SGCZ: variants seen among roughly 807,000 people sequenced by gnomAD.
The protein encoded by SGCZ is sarcoglycan zeta, also known as zeta-sarcoglycan.
SGCZ carries 40 observed loss-of-function variants against 41.3 expected under a neutral mutation model. The observed-to-expected ratio is 0.97, with a 90% CI of 0.75 to 1.26. The LOEUF (loss-of-function observed/expected upper bound fraction) is 1.26, where lower values mean the gene tolerates loss of function less well. Ranked by LOEUF, SGCZ falls within the 50% of genes most tolerant of loss-of-function variation. The pLI is 0.00. For synonymous variants in SGCZ, 206 were observed against 137.5 expected (o/e 1.50, Z -3.49); for missense variants, 552 against 369.8 (o/e 1.49, Z -4.04).
chr8:15,020,448 G>T (rs1343232043), intron 1 of SGCZ, among the ~76,000 whole-genome samples: 3 of 152,186 alleles, frequency 2.0e-5, no homozygotes, highest in African/African-American at 7.2e-5. Context: ...GAAGGCTGGG[G>T]ACATGGGTGC....
intron 3 of SGCZ, among the ~76,000 whole-genome samples, chr8:14,286,983 C>T (rs1020126913): frequency 2.0e-5 from 3 of 151,802 alleles, no homozygotes; most frequent in Admixed American, 2.0e-4. Context: ...TAGTTTTTTT[C>T]CCCTACTTGT....
chr8:14,108,375 C>T lies in SGCZ; in HGVS notation c.548-140G>A. 18 of 677,636 alleles carry T rather than the reference C, an allele frequency of 2.7e-5. No homozygotes were observed. The South Asian group carries it at 3.5e-4, about 13-fold the overall frequency. 42.0% of individuals were successfully genotyped at this position (677,636 alleles called of 1,614,324 possible). A position where few individuals can be genotyped will look rare whatever the true frequency, so the allele number is the denominator to read the frequency against. On this transcript the variant is annotated intron_variant, in intron 5 of 7. Coordinates refer to ENST00000382080, the MANE Select transcript of SGCZ (RefSeq NM_139167.4). ...TATGATGTATTAGTCCGTTTTCACACTGCTGATAAAGACATATCCGAGACT... is the reference window on the plus strand; with the variant it reads ...TATGATGTATTAGTCCGTTTTCACATTGCTGATAAAGACATATCCGAGACT...
In SGCZ at chr8:14,591,997, T is replaced by C. The variant is rs371193670; in HGVS notation, c.40-37071A>G. 1.1e-3 allele frequency among the ~76,000 whole-genome samples: 168 copies of C among 152,254 alleles called. 1 individual carries two copies. Among genetic ancestry groups the C allele is most frequent in the Middle Eastern group, 0.01 (3 of 294 alleles). On this transcript the variant is annotated intron_variant, in intron 1 of 7. Transcript: ENST00000382080. ...CAATAGTAAACAGTTATTGGAACAA[T>C]TGTCTACAAAGGAGCAATAAAAGCT... is the stretch of plus-strand genomic sequence containing the variant.
intron 1 of SGCZ, among the ~76,000 whole-genome samples, chr8:15,101,499 G>C (rs567858014): frequency 6.6e-6 from 1 of 152,272 alleles, no homozygotes; most frequent in South Asian, 2.1e-4. Flanking sequence ...CTCCATAACA[G>C]ATGTCACTAG....
chr8:15,218,405 T>G (rs904519098), intron 1 of SGCZ, among the ~76,000 whole-genome samples: 1 of 152,222 alleles, frequency 6.6e-6, no homozygotes, highest in African/African-American at 2.4e-5. Context: ...CACATCCCAA[T>G]GCATATTTTT....
intron 1 of SGCZ, among the ~76,000 whole-genome samples, chr8:14,937,409 G>C (rs943063977): frequency 6.6e-6 from 1 of 152,000 alleles, no homozygotes; most frequent in Non-Finnish European, 1.5e-5. Flanking sequence ...ACAGATCCAT[G>C]TTGTTTTTAA....
chr8:14,793,376 C>A (rs1211225874), intron 1 of SGCZ, among the ~76,000 whole-genome samples: 1 of 152,124 alleles, frequency 6.6e-6, no homozygotes, highest in Non-Finnish European at 1.5e-5. Context: ...AGCTACTGCA[C>A]TAAGATGGCA....
intron 3 of SGCZ, among the ~76,000 whole-genome samples, chr8:14,303,504 A>C (rs17231005): frequency 0.2 from 30,173 of 152,088 alleles, 3,171 homozygotes; most frequent in East Asian, 0.28. Context: ...GGATAAACTC[A>C]AACTACTTGC....
At chr8:14,621,849 T>C (rs776482686) in intron 1 of SGCZ, among the ~76,000 whole-genome samples, 6 of 152,104 alleles carry the variant, frequency 3.9e-5, no homozygotes, top group Non-Finnish European at 8.8e-5. Context: ...AGCCAAATCA[T>C]ATAGACTTCT....
At chr8:15,013,482 A>C (rs111473605) in intron 1 of SGCZ, among the ~76,000 whole-genome samples, 3 of 152,166 alleles carry the variant, frequency 2.0e-5, no homozygotes, top group Non-Finnish European at 4.4e-5. Flanking sequence ...GAAATCACTT[A>C]AGTAATGCCT....
At chr8:14,312,834 A>AT (rs1404289937) in intron 3 of SGCZ, among the ~76,000 whole-genome samples, 1 of 152,216 alleles carries the variant, frequency 6.6e-6, no homozygotes, top group African/African-American at 2.4e-5. Context: ...GAGTCAAAAT[A>AT]CCAATTTAAA....
At chr8:14,851,902 G>A (rs892408310) in intron 1 of SGCZ, among the ~76,000 whole-genome samples, 67 of 152,068 alleles carry the variant, frequency 4.4e-4, no homozygotes, top group African/African-American at 1.5e-3. Flanking sequence ...TTTTATTAAA[G>A]AAGAGTGATG....
chr8:14,227,895 T>C (rs1390686216), intron 4 of SGCZ, among the ~76,000 whole-genome samples: 1 of 152,058 alleles, frequency 6.6e-6, no homozygotes, highest in Non-Finnish European at 1.5e-5. Flanking sequence ...AACGTAACTG[T>C]AGTTAACAGA....
chr8:14,618,184 G>A (rs1806167772), intron 1 of SGCZ, among the ~76,000 whole-genome samples: 1 of 152,056 alleles, frequency 6.6e-6, no homozygotes, highest in African/African-American at 2.4e-5. Context: ...CTTTGGTGAA[G>A]CTTATATTTT....
chr8:15,145,385 G>A (rs1799010155), intron 1 of SGCZ, among the ~76,000 whole-genome samples: 1 of 152,178 alleles, frequency 6.6e-6, no homozygotes, highest in African/African-American at 2.4e-5. Context: ...AGTGAGGAAG[G>A]AGTGGGCTTT....
At chr8:14,310,039 G>GA (rs911971566) in intron 3 of SGCZ, among the ~76,000 whole-genome samples, 6 of 151,356 alleles carry the variant, frequency 4.0e-5, no homozygotes, top group South Asian at 2.1e-4. Context: ...TACTTTACAG[G>GA]AAAAAAAAAT....
chr8:14,408,276 CTGTT>C (rs1296228175), intron 2 of SGCZ, among the ~76,000 whole-genome samples: 6 of 152,266 alleles, frequency 3.9e-5, no homozygotes, highest in Middle Eastern at 3.4e-3. Flanking sequence ...CCTGTCCAGA[CTGTT>C]TGTTTAATCC....
At chr8:14,464,763 ATTC>A (rs1801002480) in intron 2 of SGCZ, among the ~76,000 whole-genome samples, 1 of 151,488 alleles carries the variant, frequency 6.6e-6, no homozygotes, top group Admixed American at 6.6e-5. Context: ...ATTTTGGTGT[ATTC>A]TTTAAGTTTT....
chr8:14,428,201 CAT>C lies in SGCZ; in HGVS notation c.235-103999_235-103998del, dbSNP rs1799843853. On this transcript the variant is annotated intron_variant, in intron 2 of 7. Transcript: ENST00000382080. ...ATATATATTTATATGCACATAAGCA[CAT>C]AATTACCTATATTATATATACTATT... Among the ~76,000 whole-genome samples the C allele has an allele frequency of 2.6e-5, 4 of 151,590 alleles. No individual in the cohort carries two copies. In the South Asian group the frequency reaches 8.3e-4, roughly 32 times the overall value.
Sources: gnomAD v4.1 joint callset for allele counts (sites outside exome capture counted in the v4.1 genomes callset) on GRCh38, gnomAD v4.1.1 for gene constraint, MANE v1.5 for transcripts, NCBI Gene and HGNC (gene_info 2026-07-23, HGNC 2026-07-21) for gene names.